RFC3: variants seen among roughly 807,000 people sequenced by gnomAD.
RFC3 encodes the protein replication factor C subunit 3.
RFC3 carries 41 observed loss-of-function variants against 45.1 expected under a neutral mutation model. That is an observed-to-expected ratio of 0.91 (90% CI 0.71 to 1.18). RFC3 has a LOEUF of 1.18. RFC3 is among the 50% of genes most tolerant of loss of function. The pLI, the probability that RFC3 is intolerant of heterozygous loss-of-function variation, is 0.00. For synonymous variants in RFC3, 149 were observed against 144.0 expected, an observed-to-expected ratio of 1.03 and a Z score of -0.25; for missense variants, 423 against 428.1, an observed-to-expected ratio of 0.99 and a Z score of 0.10.
intron 8 of RFC3, among the ~76,000 whole-genome samples, chr13:33,854,546 A>G (rs1183603012): frequency 2.6e-5 from 4 of 152,178 alleles, no homozygotes; most frequent in South Asian, 2.1e-4. Flanking sequence ...TGAATTATGA[A>G]TGAAGAAGTC....
chr13:33,906,928 A>G (rs1179933821), intron 8 of RFC3, among the ~76,000 whole-genome samples: 1 of 152,052 alleles, frequency 6.6e-6, no homozygotes, highest in East Asian at 1.9e-4. Flanking sequence ...TCCCGAGTTC[A>G]GGTGGTCTTT....
chr13:33,859,167 A>C (rs1466016493), intron 8 of RFC3, among the ~76,000 whole-genome samples: 2 of 152,166 alleles, frequency 1.3e-5, no homozygotes, highest in Admixed American at 1.3e-4. Context: ...CTTTTGCTTC[A>C]TGTTTGCTGT....
the RFC3 span, among the ~76,000 whole-genome samples, chr13:33,975,468 A>T: frequency 6.6e-6 from 1 of 152,250 alleles, no homozygotes; most frequent in African/African-American, 2.4e-5. Flanking sequence ...CTAATGGTAG[A>T]TACTTGCCAT....
intron 8 of RFC3, among the ~76,000 whole-genome samples, chr13:33,929,775 C>G (rs2082840306): frequency 6.6e-6 from 1 of 151,950 alleles, no homozygotes. Flanking sequence ...GAACTTTCCC[C>G]TATATTATTA....
intron 8 of RFC3, among the ~76,000 whole-genome samples, chr13:33,948,472 G>A (rs866609848): frequency 2.6e-5 from 4 of 152,206 alleles, no homozygotes; most frequent in African/African-American, 7.2e-5. Flanking sequence ...TGTGCGGTTG[G>A]ATTCCCCCAA....
intron 8 of RFC3, among the ~76,000 whole-genome samples, chr13:33,965,343 C>A (rs1441337468): frequency 2.0e-5 from 3 of 152,004 alleles, no homozygotes; most frequent in African/African-American, 7.3e-5. Context: ...TTTATTGCAC[C>A]TTTTTATGTT....
chr13:33,924,705 A>ATGTGTG (rs34618705), intron 8 of RFC3, among the ~76,000 whole-genome samples: 1 of 139,840 alleles, frequency 7.2e-6, no homozygotes, highest in South Asian at 2.2e-4. Flanking sequence ...CATTGTGTGT[A>ATGTGTG]TGTGTGTGTG....
intron 8 of RFC3, among the ~76,000 whole-genome samples, chr13:33,964,562 TCTC>T (rs1297964282): frequency 6.6e-6 from 1 of 152,158 alleles, no homozygotes; most frequent in Non-Finnish European, 1.5e-5. Flanking sequence ...ATCATCCCCG[TCTC>T]CTCCTGAGAC....
intron 8 of RFC3, among the ~76,000 whole-genome samples, chr13:33,916,805 T>G (rs1874334238): frequency 6.6e-6 from 1 of 152,160 alleles, no homozygotes; most frequent in South Asian, 2.1e-4. Flanking sequence ...TATGTATATG[T>G]GTGTATATAT....
At chr13:33,825,577 C>T (rs897619024) in intron 3 of RFC3, among the ~76,000 whole-genome samples, 2 of 151,986 alleles carry the variant, frequency 1.3e-5, no homozygotes, top group African/African-American at 2.4e-5. Context: ...CTTAATGTAA[C>T]AACATATTTA....
intron 8 of RFC3, among the ~76,000 whole-genome samples, chr13:33,857,883 A>C (rs1306550203): frequency 6.6e-6 from 1 of 152,232 alleles, no homozygotes; most frequent in Admixed American, 6.5e-5. Flanking sequence ...ATGAAGAGAA[A>C]GTGATCATCC....
At chr13:33,938,506 C>G (rs2082902645) in intron 8 of RFC3, among the ~76,000 whole-genome samples, 2 of 152,022 alleles carry the variant, frequency 1.3e-5, no homozygotes, top group Non-Finnish European at 2.9e-5. Flanking sequence ...ATTTTTAACA[C>G]TATGGTGTTA....
At chr13:33,857,144 G>A (rs765451608) in intron 8 of RFC3, among the ~76,000 whole-genome samples, 2 of 152,024 alleles carry the variant, frequency 1.3e-5, no homozygotes, top group Non-Finnish European at 2.9e-5. Flanking sequence ...TTATTCCTTG[G>A]AATTTAATAA....
At chr13:33,969,184 G>T (rs2083100543), downstream of RFC3, among the ~76,000 whole-genome samples, 1 of 152,188 alleles carries the variant, frequency 6.6e-6, no homozygotes, top group Non-Finnish European at 1.5e-5. Flanking sequence ...TTCTTCACAT[G>T]CTGGATGAAA....
At chr13:33,882,308 A>G (rs2082490365) in intron 8 of RFC3, among the ~76,000 whole-genome samples, 1 of 152,196 alleles carries the variant, frequency 6.6e-6, no homozygotes, top group African/African-American at 2.4e-5. Context: ...AGTTCTGTAA[A>G]ACTTTATCAC....
chr13:33,880,579 C>A (rs910787977), intron 8 of RFC3, among the ~76,000 whole-genome samples: 2 of 152,184 alleles, frequency 1.3e-5, no homozygotes, highest in Non-Finnish European at 2.9e-5. Context: ...AAATGGGGAA[C>A]TGAATTTTTA....
chr13:33,869,639 T>G (rs186538027), intron 8 of RFC3, among the ~76,000 whole-genome samples: 44 of 152,298 alleles, frequency 2.9e-4, no homozygotes, highest in Admixed American at 2.9e-3. Context: ...CTTTTCCTCA[T>G]CTAGTTTTGC....
At chr13:33,914,360 T>C (rs2082720829) in intron 8 of RFC3, among the ~76,000 whole-genome samples, 1 of 152,156 alleles carries the variant, frequency 6.6e-6, no homozygotes, top group Non-Finnish European at 1.5e-5. Flanking sequence ...GAACATCCAC[T>C]ATTATACTTT....
At chr13:33,930,496 C>T (rs953009934) in intron 8 of RFC3, among the ~76,000 whole-genome samples, 1 of 152,150 alleles carries the variant, frequency 6.6e-6, no homozygotes, top group Non-Finnish European at 1.5e-5. Context: ...CTGCTTTATA[C>T]TAGCCAGGCT....
Sources: gnomAD v4.1 joint callset for allele counts (sites outside exome capture counted in the v4.1 genomes callset) on GRCh38, gnomAD v4.1.1 for gene constraint, MANE v1.5 for transcripts, NCBI Gene and HGNC (gene_info 2026-07-23, HGNC 2026-07-21) for gene names.